ZNF536: variants seen among roughly 807,000 people sequenced by gnomAD.
ZNF536 encodes zinc finger protein 536.
In ZNF536, 13 loss-of-function variants were observed where a neutral mutation model predicts 84.5. The observed-to-expected ratio is 0.15, with a 90% CI of 0.10 to 0.24. The LOEUF is 0.24. ZNF536 is among the 10% of genes least tolerant of loss of function. The probability of loss-of-function intolerance (pLI) is 1.00; values close to 1 mark genes in which losing one functional copy is unlikely to be tolerated. For synonymous variants in ZNF536, 811 were observed against 742.5 expected (o/e 1.09, Z -1.50); for missense variants, 1,536 against 1,747.5 (o/e 0.88, Z 2.16).
At chr19:30,342,310 T>G (rs2047589338) in intron 2 of ZNF536, among the ~76,000 whole-genome samples, 1 of 152,212 alleles carries the variant, frequency 6.6e-6, no homozygotes, top group Non-Finnish European at 1.5e-5. Flanking sequence ...TCCAAGATGT[T>G]TATTTATTTA....
At chr19:30,484,260 C>T (rs2054205268) in intron 2 of ZNF536, among the ~76,000 whole-genome samples, 2 of 142,332 alleles carry the variant, frequency 1.4e-5, no homozygotes, top group South Asian at 4.4e-4. Flanking sequence ...TGGAGTCTAG[C>T]TCTGTCACCA....
chr19:30,706,087 G>A (rs756223395), intron 1 of ZNF536, among the ~76,000 whole-genome samples: 4 of 152,164 alleles, frequency 2.6e-5, no homozygotes, highest in African/African-American at 7.2e-5. Context: ...CAAGAGGCAC[G>A]TTGCATCACT....
rs985046311 is a variant in ZNF536, at chr19:30,620,542, G to T, written c.169+71028G>T. ...TGGCTTTTCCTCCTGCCATCCAGGG[G>T]TCTGTGGGCACCCTCCCTCCTCTGA... On this transcript the variant is annotated intron_variant, in intron 1 of 1. Transcript: ENST00000592773. Among the ~76,000 whole-genome samples, 3 of 152,116 alleles carry T rather than the reference G, an allele frequency of 2.0e-5. No individual in the cohort carries two copies. The South Asian group carries it at 6.2e-4, about 32-fold the overall frequency.
intron 1 of ZNF536, among the ~76,000 whole-genome samples, chr19:30,638,516 C>T (rs2049153658): frequency 1.3e-5 from 2 of 152,202 alleles, no homozygotes; most frequent in Non-Finnish European, 2.9e-5. Flanking sequence ...CACTTTTAAA[C>T]AACCAGATCT....
At chr19:30,568,607 A>T (rs1025753413) in intron 1 of ZNF536, among the ~76,000 whole-genome samples, 1 of 152,030 alleles carries the variant, frequency 6.6e-6, no homozygotes, top group Non-Finnish European at 1.5e-5. Flanking sequence ...GATTTCTATG[A>T]CTCCCTGTCA....
upstream of ZNF536, among the ~76,000 whole-genome samples, chr19:30,369,536 G>C (rs2048543587): frequency 1.7e-5 from 1 of 57,854 alleles, no homozygotes; most frequent in East Asian, 4.2e-4. Context: ...ACTGTCCCGG[G>C]GTGTGGTTTT....
chr19:30,537,558 C>G (rs1379225219), intron 3 of ZNF536, among the ~76,000 whole-genome samples: 1 of 151,342 alleles, frequency 6.6e-6, no homozygotes, highest in African/African-American at 2.5e-5. Flanking sequence ...CTCCACTAAC[C>G]CTGTCGGCCC....
chr19:30,415,364 T>A (rs1463614174), intron 1 of ZNF536, among the ~76,000 whole-genome samples: 3 of 148,502 alleles, frequency 2.0e-5, no homozygotes, highest in Admixed American at 6.8e-5. Flanking sequence ...CCTCTTCCTT[T>A]TCCTTCTTCC....
At chr19:30,368,610 C>T (rs1035617187), upstream of ZNF536, among the ~76,000 whole-genome samples, 5 of 152,220 alleles carry the variant, frequency 3.3e-5, no homozygotes, top group African/African-American at 1.2e-4. Flanking sequence ...GCAGGAATCT[C>T]TATTTTTACA....
At chr19:30,394,633 C>T (rs867937186) in intron 1 of ZNF536, among the ~76,000 whole-genome samples, 10 of 152,220 alleles carry the variant, frequency 6.6e-5, no homozygotes, top group African/African-American at 2.4e-4. Flanking sequence ...CTTCTTCCAT[C>T]TCTGGTGGTA....
At chr19:30,697,006 A>T (rs925602976) in intron 1 of ZNF536, among the ~76,000 whole-genome samples, 1 of 152,154 alleles carries the variant, frequency 6.6e-6, no homozygotes, top group Non-Finnish European at 1.5e-5. Context: ...ATGATCAGAG[A>T]CAGGGTAATT....
chr19:30,537,451 A>T (rs1220587363), intron 3 of ZNF536, among the ~76,000 whole-genome samples: 2 of 152,148 alleles, frequency 1.3e-5, no homozygotes, highest in African/African-American at 4.8e-5. Flanking sequence ...AGAACCCTGG[A>T]CCACATTTCC....
intron 3 of ZNF536, among the ~76,000 whole-genome samples, chr19:30,362,668 T>C (rs1311233091): frequency 6.6e-6 from 1 of 152,150 alleles, no homozygotes; most frequent in Non-Finnish European, 1.5e-5. Context: ...AGGCCTGGAA[T>C]GTTTGAGGTT....
intron 4 of ZNF536, among the ~76,000 whole-genome samples, chr19:30,551,521 C>A (rs1339857885): frequency 1.3e-5 from 2 of 152,184 alleles, no homozygotes; most frequent in Non-Finnish European, 2.9e-5. Flanking sequence ...TTGCCCAGTC[C>A]ACCCTTCAGC....
At chr19:30,500,742 G>A (rs2054916084) in intron 2 of ZNF536, among the ~76,000 whole-genome samples, 1 of 152,266 alleles carries the variant, frequency 6.6e-6, no homozygotes, top group East Asian at 1.9e-4. Context: ...TCAGCAGGAT[G>A]ATGTGGGATG....
intron 2 of ZNF536, among the ~76,000 whole-genome samples, chr19:30,301,988 C>A (rs1701394471): frequency 6.6e-6 from 1 of 152,078 alleles, no homozygotes; most frequent in Non-Finnish European, 1.5e-5. Context: ...GTCAAGGTCT[C>A]AAGGATTGAG....
chr19:30,527,093 A>G (rs1386155374), intron 2 of ZNF536, among the ~76,000 whole-genome samples: 1 of 151,378 alleles, frequency 6.6e-6, no homozygotes, highest in East Asian at 2.0e-4. Context: ...TAATTTTTGT[A>G]TTCTTAGTAG....
intron 1 of ZNF536, among the ~76,000 whole-genome samples, chr19:30,663,122 A>G (rs2050185987): frequency 6.6e-6 from 1 of 152,060 alleles, no homozygotes; most frequent in African/African-American, 2.4e-5. Flanking sequence ...AGGTTTAAAC[A>G]GTGGGCATTC....
At chr19:30,708,804 G>GGA (rs1416414698) in intron 1 of ZNF536, among the ~76,000 whole-genome samples, 4 of 152,204 alleles carry the variant, frequency 2.6e-5, no homozygotes, top group African/African-American at 9.6e-5. Flanking sequence ...ACGTTGCATT[G>GGA]GATTCCTGTT....
Sources: gnomAD v4.1 joint callset for allele counts (sites outside exome capture counted in the v4.1 genomes callset) on GRCh38, gnomAD v4.1.1 for gene constraint, MANE v1.5 for transcripts, NCBI Gene and HGNC (gene_info 2026-07-23, HGNC 2026-07-21) for gene names.